The following VGLL4 variants were observed in gnomAD, a reference collection of about 807,000 sequenced individuals.
VGLL4 encodes the protein transcription cofactor vestigial-like protein 4.
Under a neutral mutation model 21.0 loss-of-function variants are expected in VGLL4, and 7 were observed. The observed-to-expected ratio is 0.33, with a 90% CI of 0.19 to 0.63. VGLL4 has a LOEUF of 0.63. VGLL4 is among the 20% of genes least tolerant of loss of function. The pLI is 0.78. For synonymous variants in VGLL4, 222 were observed against 173.2 expected, an observed-to-expected ratio of 1.28 and a Z score of -2.21; for missense variants, 394 against 425.7, an observed-to-expected ratio of 0.93 and a Z score of 0.66.
upstream of VGLL4, among the ~76,000 whole-genome samples, chr3:11,646,571 C>G (rs1027295574): frequency 1.3e-5 from 2 of 151,766 alleles, no homozygotes; most frequent in African/African-American, 4.8e-5. Context: ...AAAAAAAAAC[C>G]CTGCCTTAAG....
chr3:11,597,356 C>G (rs1026610542), intron 2 of VGLL4, among the ~76,000 whole-genome samples: 1 of 152,146 alleles, frequency 6.6e-6, no homozygotes, highest in Non-Finnish European at 1.5e-5. Flanking sequence ...AACAGACATT[C>G]ATCTTCTTAA....
In VGLL4 at chr3:11,564,691, T is replaced by G. The variant is rs530098614; in HGVS notation, c.495+106A>C. 2,669 of 1,277,060 alleles carry G rather than the reference T, an allele frequency of 2.1e-3. 4 individuals carry two copies. Among genetic ancestry groups the G allele is most frequent in the Middle Eastern group, 4.4e-3 (17 of 3,826 alleles). 79.1% of individuals were successfully genotyped at this position (1,277,060 alleles called of 1,614,324 possible). Reference sequence around the variant, plus strand: ...CTCACCACCTCCCTCCCTCACCACCTCCCTCCCTCACCACCGCCCTCGGAG... The same window carrying G: ...CTCACCACCTCCCTCCCTCACCACCGCCCTCCCTCACCACCGCCCTCGGAG... On this transcript the variant is annotated intron_variant, in intron 3 of 4. Coordinates refer to ENST00000430365, the MANE Select transcript of VGLL4 (RefSeq NM_001128219.3).
chr3:11,634,105 G>A (rs1459641215), intron 1 of VGLL4, among the ~76,000 whole-genome samples: 3 of 152,132 alleles, frequency 2.0e-5, no homozygotes, highest in Non-Finnish European at 4.4e-5. Flanking sequence ...TCCAGCAGCA[G>A]CCTCTCCTGA....
At chr3:11,688,756 T>G (rs985685484) in intron 2 of VGLL4, among the ~76,000 whole-genome samples, 1 of 152,204 alleles carries the variant, frequency 6.6e-6, no homozygotes, top group Non-Finnish European at 1.5e-5. Context: ...TGGTGGCTCA[T>G]GCCTGTAATC....
chr3:11,578,597 C>CAA (rs796205544), intron 2 of VGLL4, among the ~76,000 whole-genome samples: 4 of 119,466 alleles, frequency 3.3e-5, no homozygotes, highest in East Asian at 2.4e-4. Flanking sequence ...AGAAACTCTG[C>CAA]AAAAAAAAAA....
intron 1 of VGLL4, among the ~76,000 whole-genome samples, chr3:11,631,184 C>A (rs753557521): frequency 6.6e-5 from 10 of 152,214 alleles, no homozygotes; most frequent in Non-Finnish European, 1.3e-4. Context: ...GAAGCCAAAA[C>A]AGTGGTTCTC....
chr3:11,643,761 C>G lies in VGLL4; in HGVS notation c.-243G>C. Reference sequence around the variant, plus strand: ...ACGGTGTATGTACTGTATCCCCGATCGAGTATGAAAACAGCGTTTCAGAAG... The same window carrying G: ...ACGGTGTATGTACTGTATCCCCGATGGAGTATGAAAACAGCGTTTCAGAAG... On this transcript the variant is annotated 5_prime_UTR_variant, in exon 1 of 5. Transcript: ENST00000430365. 1.6e-6 allele frequency: 2 copies of G among 1,226,302 alleles called. No individual in the cohort carries two copies. Among genetic ancestry groups the G allele is most frequent in the Non-Finnish European group, 1.0e-6 (1 of 980,864 alleles). The allele number at this position is 1,226,302 out of a possible 1,614,324, so 76.0% of individuals were successfully genotyped here.
intron 2 of VGLL4, among the ~76,000 whole-genome samples, chr3:11,695,756 T>A (rs2076598346): frequency 6.6e-6 from 1 of 152,018 alleles, no homozygotes; most frequent in Non-Finnish European, 1.5e-5. Context: ...TCTCTGAGGA[T>A]CGCGGATAGC....
intron 2 of VGLL4, chr3:11,702,731 C>CAAAAAAAAAA (rs370716518): frequency 7.7e-6 from 1 of 129,990 alleles, no homozygotes; most frequent in African/African-American, 4.0e-5. Context: ...GATCCCATCT[C>CAAAAAAAAAA]AAAAAAAAAA....
intron 2 of VGLL4, among the ~76,000 whole-genome samples, chr3:11,567,867 C>A (rs1470027819): frequency 6.6e-6 from 1 of 152,232 alleles, no homozygotes; most frequent in Non-Finnish European, 1.5e-5. Context: ...TGAATGGCTT[C>A]TCTCCACCCC....
At chr3:11,697,623 T>C (rs1367949709) in intron 2 of VGLL4, among the ~76,000 whole-genome samples, 1 of 151,764 alleles carries the variant, frequency 6.6e-6, no homozygotes, top group Non-Finnish European at 1.5e-5. Context: ...GAGAAAAGAG[T>C]ATATGAGTGC....
chr3:11,625,163 C>T (rs2075329369), intron 1 of VGLL4, among the ~76,000 whole-genome samples: 1 of 152,188 alleles, frequency 6.6e-6, no homozygotes, highest in South Asian at 2.1e-4. Flanking sequence ...GTTCTTTTGT[C>T]CCAGGTTGTT....
intron 2 of VGLL4, among the ~76,000 whole-genome samples, chr3:11,677,836 C>T (rs550374979): frequency 1.1e-4 from 15 of 141,366 alleles, no homozygotes; most frequent in Non-Finnish European, 2.3e-4. Context: ...ACCCGGGAGG[C>T]GGAGGTTGCA....
Position 11,568,772 on chromosome 3 carries a change from G to A in VGLL4, c.273-3753C>T, listed in dbSNP as rs1451622403. On this transcript the variant is annotated intron_variant, in intron 2 of 4. Transcript: ENST00000430365. This position sits in a 1 kb window ranked among gnomAD's most constrained non-coding sequence, Gnocchi z 5.9. The stretch of plus-strand genomic sequence containing the variant: ...TGCCCGGGAGATGGAAGTCGCCTCC[G>A]CTCCTGGTCAGGACTGTGCCCGAGA... 8 of 1,492,944 alleles carry A rather than the reference G, an allele frequency of 5.4e-6. No individual in the cohort carries two copies. In the African/African-American group the frequency reaches 9.8e-5, roughly 18 times the overall value. The allele number at this position is 1,492,944 out of a possible 1,614,324, so 92.5% of individuals were successfully genotyped here. A position where few individuals can be genotyped will look rare whatever the true frequency, so the allele number is the denominator to read the frequency against.
At chr3:11,637,496 G>A (rs1490333064) in intron 1 of VGLL4, among the ~76,000 whole-genome samples, 3 of 152,096 alleles carry the variant, frequency 2.0e-5, no homozygotes, top group Admixed American at 6.6e-5. Context: ...ACGATCCTAT[G>A]CATAGCAACA....
At chr3:11,646,953 G>A (rs562721915), upstream of VGLL4, among the ~76,000 whole-genome samples, 97 of 152,310 alleles carry the variant, frequency 6.4e-4, 1 homozygote, top group Non-Finnish European at 1.0e-3. Flanking sequence ...ATAGCAATTC[G>A]ATAGACTAAT....
rs1432199806 is a variant in VGLL4, at chr3:11,558,537, G to T, written c.*19C>A. ...GGCAAACCATGCAGATCCACGTGTT[G>T]TTGGAGGAGGCGCTCCCTTCAGGAG... On this transcript the variant is annotated 3_prime_UTR_variant, in exon 5 of 5. Transcript: ENST00000430365. The T allele has an allele frequency of 2.1e-6, 3 of 1,452,380 alleles. No individual in the cohort carries two copies. Among genetic ancestry groups the T allele is most frequent in the Non-Finnish European group, 2.8e-6 (3 of 1,088,128 alleles). The allele number at this position is 1,452,380 out of a possible 1,614,324, so 90.0% of individuals were successfully genotyped here.
chr3:11,671,460 T>C, intron 2 of VGLL4: 1 of 718,970 alleles, frequency 1.4e-6, no homozygotes, highest in Non-Finnish European at 2.5e-6. Flanking sequence ...TCGCCGGGGA[T>C]TGGTCCCAGG....
At chr3:11,650,897 C>T (rs948270669) in intron 2 of VGLL4, among the ~76,000 whole-genome samples, 1 of 152,122 alleles carries the variant, frequency 6.6e-6, no homozygotes, top group Non-Finnish European at 1.5e-5. Flanking sequence ...CTAGGTCCGT[C>T]GCAATTTACC....
Sources: allele counts gnomAD v4.1 joint callset (sites outside exome capture counted in the v4.1 genomes callset), GRCh38; gene constraint gnomAD v4.1.1; non-coding constraint Gnocchi (gnomAD v3.1); transcripts MANE v1.5; gene names NCBI Gene and HGNC (gene_info 2026-07-23, HGNC 2026-07-21).